SNX25: variants seen among roughly 807,000 people sequenced by gnomAD.
SNX25 encodes sorting nexin 25, also known as sorting nexin-25.
Under a neutral mutation model 113.7 loss-of-function variants are expected in SNX25, and 62 were observed. The observed-to-expected ratio is 0.55, with a 90% CI of 0.44 to 0.67. The LOEUF is 0.67. Among genes scored for constraint, SNX25 ranks in the 30% least tolerant of loss-of-function variants. The probability of loss-of-function intolerance (pLI) is 0.00; values close to 1 mark genes in which losing one functional copy is unlikely to be tolerated. For missense variants in SNX25, 1,014 were observed against 1,161.0 expected (o/e 0.87, Z 1.84); for synonymous variants, 421 against 436.2 (o/e 0.97, Z 0.43).
At chr4:185,309,607 C>T (rs955310944) in intron 6 of SNX25, among the ~76,000 whole-genome samples, 21 of 152,228 alleles carry the variant, frequency 1.4e-4, no homozygotes, top group Middle Eastern at 3.4e-3. Context: ...TTTAATTCCT[C>T]GGCAACCTAC....
At chr4:185,307,158 G>A (rs1194826842) in intron 6 of SNX25, among the ~76,000 whole-genome samples, 19 of 152,264 alleles carry the variant, frequency 1.2e-4, no homozygotes, top group Non-Finnish European at 4.4e-5. Context: ...TAATTTTGCA[G>A]CCTCCCTGAG....
intron 6 of SNX25, among the ~76,000 whole-genome samples, chr4:185,306,120 C>T (rs1204567543): frequency 6.6e-6 from 1 of 152,212 alleles, no homozygotes. Flanking sequence ...CTCGCCTATA[C>T]TTTTCTTGAT....
At chr4:185,285,889 C>T (rs890193655) in intron 5 of SNX25, among the ~76,000 whole-genome samples, 1 of 152,078 alleles carries the variant, frequency 6.6e-6, no homozygotes, top group Non-Finnish European at 1.5e-5. Flanking sequence ...CCTCCTGCCT[C>T]AGGCTCCCAA....
At chr4:185,260,291 C>G (rs886275149) in intron 3 of SNX25, among the ~76,000 whole-genome samples, 1 of 151,694 alleles carries the variant, frequency 6.6e-6, no homozygotes, top group African/African-American at 2.4e-5. Flanking sequence ...CTTTTTGTTC[C>G]CAGGATTTCT....
At chr4:185,230,517 C>G (rs908597717) in intron 1 of SNX25, among the ~76,000 whole-genome samples, 2 of 151,928 alleles carry the variant, frequency 1.3e-5, no homozygotes, top group African/African-American at 4.8e-5. Context: ...CTCAGCCTCC[C>G]GAGTAGCTGG....
intron 2 of SNX25, among the ~76,000 whole-genome samples, chr4:185,251,541 A>G (rs1048557842): frequency 1.3e-5 from 2 of 151,692 alleles, no homozygotes; most frequent in African/African-American, 4.9e-5. Context: ...GGTTTCATCC[A>G]TATTGTAGCA....
At chr4:185,239,978 A>T (rs1249701594) in intron 1 of SNX25, among the ~76,000 whole-genome samples, 1 of 150,470 alleles carries the variant, frequency 6.6e-6, no homozygotes, top group Non-Finnish European at 1.5e-5. Flanking sequence ...CTTAACGAGC[A>T]TGCTTCCTTC....
chr4:185,341,117 T>C (rs1253389758), intron 11 of SNX25, among the ~76,000 whole-genome samples: 1 of 152,248 alleles, frequency 6.6e-6, no homozygotes, highest in Admixed American at 6.5e-5. Context: ...TTTATGATGC[T>C]AATTCAAGCT....
chr4:185,231,267 T>A (rs1033286803), intron 1 of SNX25, among the ~76,000 whole-genome samples: 1 of 151,412 alleles, frequency 6.6e-6, no homozygotes, highest in African/African-American at 2.4e-5. Flanking sequence ...CCCGGCTAAT[T>A]TTTTTGTATT....
chr4:185,370,303 A>G (rs1437549293), downstream of SNX25: 4 of 228,566 alleles, frequency 1.8e-5, no homozygotes, highest in East Asian at 3.7e-4. Context: ...TCATTACTGT[A>G]CTAGAATGAA....
intron 13 of SNX25, among the ~76,000 whole-genome samples, chr4:185,348,299 G>A (rs549234290): frequency 6.6e-6 from 1 of 152,234 alleles, no homozygotes; most frequent in East Asian, 1.9e-4. Context: ...AAAATGTTCT[G>A]AATATTTGTA....
chr4:185,362,065 A>C lies in SNX25; in HGVS notation c.2793A>C (p.Thr931=). The C allele has an allele frequency of 6.2e-7, 1 of 1,614,084 alleles. No homozygotes were observed. The highest frequency in any genetic ancestry group is 8.5e-7 in the Non-Finnish European group (1 of 1,179,946). ...TIRSKEQSQE[T]KQRAQQKLLE... is the part of the protein sequence containing the mutation. ...GAAGCAAAGAGCAAAGTCAGGAAAC[A>C]AAACAGAGAGCACAGCAAAAGCTGC... The change falls in exon 17 of 19, where the codon ACA becomes ACC. Residue 931 remains threonine, a synonymous_variant. Transcript: ENST00000652585.
chr4:185,304,699 A>G (rs1262171366), intron 6 of SNX25, among the ~76,000 whole-genome samples: 1 of 151,926 alleles, frequency 6.6e-6, no homozygotes, highest in African/African-American at 2.4e-5. Context: ...GTGTTGCCCA[A>G]GCTGGTTTTA....
chr4:185,315,575 T>A (rs1047878202), intron 7 of SNX25, among the ~76,000 whole-genome samples: 2 of 152,194 alleles, frequency 1.3e-5, no homozygotes, highest in African/African-American at 4.8e-5. Flanking sequence ...ATTACAGGCA[T>A]GAGCCACTGT....
intron 5 of SNX25, among the ~76,000 whole-genome samples, chr4:185,270,846 T>C (rs1748823944): frequency 6.6e-6 from 1 of 152,216 alleles, no homozygotes; most frequent in African/African-American, 2.4e-5. Context: ...CATTGTATAA[T>C]GTATCAGTGC....
In SNX25 at chr4:185,209,907, G is replaced by C; in HGVS notation, c.81G>C (p.Ser27=). The C allele has an allele frequency of 3.1e-6, 3 of 983,268 alleles. No individual in the cohort carries two copies. Among genetic ancestry groups the C allele is most frequent in the Non-Finnish European group, 3.6e-6 (3 of 829,170 alleles). 60.9% of individuals were successfully genotyped at this position (983,268 alleles called of 1,614,324 possible). A position where few individuals can be genotyped will look rare whatever the true frequency, so the allele number is the denominator to read the frequency against. Residue 27 remains serine, a synonymous_variant, in exon 1 of 19, where the codon TCG becomes TCC. Transcript: ENST00000652585. This position sits in a 1 kb window ranked among gnomAD's most constrained non-coding sequence, Gnocchi z 5.2. ...RAAGAGGRPV[S]GFRGERRPES... is the part of the protein sequence containing the mutation. ...CAGGCGCCGGCGGCCGTCCTGTCTC[G>C]GGCTTCAGGGGCGAGCGGCGGCCGG...
chr4:185,317,045 A>G (rs2095079898), intron 7 of SNX25, among the ~76,000 whole-genome samples: 1 of 152,122 alleles, frequency 6.6e-6, no homozygotes, highest in African/African-American at 2.4e-5. Context: ...CAGCCTATAG[A>G]ATGGGAGAAA....
chr4:185,310,335 T>A (rs1001285622), intron 6 of SNX25, among the ~76,000 whole-genome samples: 3 of 152,214 alleles, frequency 2.0e-5, no homozygotes, highest in Non-Finnish European at 4.4e-5. Context: ...CACATTCATA[T>A]AAAGATGTTA....
intron 6 of SNX25, among the ~76,000 whole-genome samples, chr4:185,301,833 C>T (rs1053684344): frequency 1.2e-4 from 18 of 151,572 alleles, no homozygotes; most frequent in Admixed American, 2.0e-4. Flanking sequence ...GTGATTGGCC[C>T]GCCTTGGCCT....
Sources: gnomAD v4.1 joint callset for allele counts (sites outside exome capture counted in the v4.1 genomes callset) on GRCh38, gnomAD v4.1.1 for gene constraint, Gnocchi (gnomAD v3.1) non-coding constraint, MANE v1.5 for transcripts, NCBI Gene and HGNC (gene_info 2026-07-23, HGNC 2026-07-21) for gene names.